The following FBLIM1 variants were observed in gnomAD, a reference collection of about 807,000 sequenced individuals.
FBLIM1 encodes filamin-binding LIM protein 1.
Under a neutral mutation model 37.4 loss-of-function variants are expected in FBLIM1, and 29 were observed. That is an observed-to-expected ratio of 0.77 (90% CI 0.58 to 1.06). The LOEUF (loss-of-function observed/expected upper bound fraction) is 1.06, where lower values mean the gene tolerates loss of function less well. Among genes scored for constraint, FBLIM1 ranks in the 50% least tolerant of loss-of-function variants. FBLIM1 has a pLI of 0.00. For missense variants in FBLIM1, 449 were observed against 505.6 expected, an observed-to-expected ratio of 0.89 and a Z score of 1.07; for synonymous variants, 193 against 199.0, an observed-to-expected ratio of 0.97 and a Z score of 0.25.
In FBLIM1 at chr1:15,770,532, GCTT is replaced by G. The variant is rs768531304; in HGVS notation, c.668_670del (p.Phe223del). ...TGCCGCCGCCAGCTGGCTGGGCAGA[GCTT>G]CTACCAGAAGGATGGGCGACCCCTC... On this transcript the variant is annotated inframe_deletion, in exon 6 of 9. Coordinates refer to ENST00000375766, the MANE Select transcript of FBLIM1 (RefSeq NM_017556.4). 8.7e-6 allele frequency: 14 copies of G among 1,613,968 alleles called. No homozygotes were observed. The highest frequency in any genetic ancestry group is 1.2e-5 in the Non-Finnish European group (14 of 1,180,034).
intron 8 of FBLIM1, among the ~76,000 whole-genome samples, chr1:15,783,955 A>G (rs1412364036): frequency 6.6e-6 from 1 of 152,158 alleles, no homozygotes; most frequent in Non-Finnish European, 1.5e-5. Context: ...ATGGGAAGCC[A>G]AGGTGGGCGG....
At chr1:15,766,288 G>C (rs980824447) in intron 3 of FBLIM1, among the ~76,000 whole-genome samples, 3 of 151,882 alleles carry the variant, frequency 2.0e-5, no homozygotes, top group African/African-American at 7.3e-5. Flanking sequence ...GTGTGTGTGT[G>C]TGTATGTGTG....
intron 8 of FBLIM1, 63 bp downstream of exon 8, chr1:15,777,350 T>G: frequency 7.9e-7 from 1 of 1,263,392 alleles, no homozygotes; most frequent in South Asian, 1.3e-5. Flanking sequence ...TTAGCTGGGT[T>G]GCTTGGACAT....
rs773204629 is a variant in FBLIM1 at position 15,765,234 on chromosome 1, G to A, written c.250+1G>A. ...GCACCTATGCAGCTCTTCAATGGAG[G>A]TAAGAGCTGAGGGGACTTTGGGGAA... On this transcript the variant is annotated splice_donor_variant, in intron 3 of 8. Transcript: ENST00000375766. LOFTEE classifies it high-confidence loss of function. The surrounding 1 kb of genome is among the most constrained non-coding windows in gnomAD (Gnocchi z 5.9). The A allele has an allele frequency of 1.2e-6, 2 of 1,607,440 alleles. No individual in the cohort carries two copies. Among genetic ancestry groups the A allele is most frequent in the Non-Finnish European group, 1.7e-6 (2 of 1,175,346 alleles).
chr1:15,777,554 G>C (rs890681136), intron 8 of FBLIM1, among the ~76,000 whole-genome samples: 1 of 151,334 alleles, frequency 6.6e-6, no homozygotes, highest in African/African-American at 2.4e-5. Context: ...ATTGAGCGAT[G>C]GCATCAGGAC....
chr1:15,768,717 C>A (rs1279030330), intron 5 of FBLIM1, 87 bp downstream of exon 5: 3 of 922,154 alleles, frequency 3.3e-6, no homozygotes, highest in South Asian at 2.5e-5. Context: ...GTGAGGACCC[C>A]TCTTCCCATC....
chr1:15,783,872 G>A (rs1454658566), intron 8 of FBLIM1, among the ~76,000 whole-genome samples: 3 of 152,040 alleles, frequency 2.0e-5, no homozygotes, highest in Admixed American at 6.6e-5. Context: ...GTGAACCACC[G>A]CGCCCGCCCA....
chr1:15,767,540 TC>T lies in FBLIM1; in HGVS notation c.419del (p.Pro140ArgfsTer61). 7.1e-7 allele frequency: 1 copy of T among 1,409,310 alleles called. No individual in the cohort carries two copies. The highest frequency in any genetic ancestry group is 9.4e-7 in the Non-Finnish European group (1 of 1,064,124). The allele number at this position is 1,409,310 out of a possible 1,614,324, so 87.3% of individuals were successfully genotyped here. ...TGCAGACTTAGAGCAGCTGCACCTG[TC>T]CCCGCCCCCGCCCCCACCACAGGTA... ...LIADLEQLHL[S>X]PPPPPPQAPA... On this transcript the variant is annotated frameshift_variant, in exon 4 of 9. Transcript: ENST00000375766. LOFTEE classifies it high-confidence loss of function.
rs2069742107 is a variant in FBLIM1, at chr1:15,785,196, T to G, written c.*535T>G. 6.6e-6 allele frequency: 1 copy of G among 151,850 alleles called. No individual in the cohort carries two copies. The highest frequency in any genetic ancestry group is 2.1e-4 in the South Asian group (1 of 4,808). 9.4% of individuals were successfully genotyped at this position (151,850 alleles called of 1,614,324 possible). A position where few individuals can be genotyped will look rare whatever the true frequency, so the allele number is the denominator to read the frequency against. ...TAAAAATACAAAAATTAGCCAGGCA[T>G]GGTAGCAGGTGCCTGTAATCCCAGC... On this transcript the variant is annotated 3_prime_UTR_variant, in exon 9 of 9. Transcript: ENST00000375766.
chr1:15,779,875 TTTTG>T (rs1158406777), intron 8 of FBLIM1, among the ~76,000 whole-genome samples: 2 of 152,086 alleles, frequency 1.3e-5, no homozygotes, highest in African/African-American at 2.4e-5. Context: ...AATTCTTGAT[TTTTG>T]TTTGTTTGTT....
In FBLIM1 at chr1:15,781,787, CGGCT is replaced by C. The variant is rs2069648936; in HGVS notation, c.1009-2760_1009-2757del. 7.7e-5 allele frequency among the ~76,000 whole-genome samples: 11 copies of C among 143,060 alleles called. 1 individual carries two copies. The South Asian group carries it at 2.6e-3, about 34-fold the overall frequency. The allele number at this position is 143,060 out of a possible 152,430, so 93.9% of individuals were successfully genotyped here. On this transcript the variant is annotated intron_variant, in intron 8 of 8. Transcript: ENST00000375766. Reference sequence around the variant, plus strand: ...AGGCTGGAGTGCAGTGGTGCAATCTCGGCTCACTGCAAGCTGCACCTCCCGGGTT... The same window carrying C: ...AGGCTGGAGTGCAGTGGTGCAATCTCCACTGCAAGCTGCACCTCCCGGGTT...
At chr1:15,783,172 C>T (rs2069687149) in intron 8 of FBLIM1, among the ~76,000 whole-genome samples, 1 of 152,140 alleles carries the variant, frequency 6.6e-6, no homozygotes. Flanking sequence ...CAAATTGTCC[C>T]CCCTGTTATT....
At position 15,777,175 on chromosome 1, in the gene FBLIM1, T is replaced by G; in HGVS notation, c.896T>G (p.Phe299Cys). The change falls in exon 8 of 9, where the codon TTC becomes TGC. Residue 299 changes from phenylalanine (F) to cysteine (C), a missense_variant. Physicochemically the swap from Phe to Cys is radical, Grantham distance 205. Transcript: ENST00000375766. Reference protein sequence around the residue: ...VYCLDDFYRKFAPVCSICENP... With the variant: ...VYCLDDFYRKCAPVCSICENP... ...ATGGGTTCCTTTGCTTCTAGGAAAT[T>G]CGCCCCCGTCTGCAGCATCTGTGAA... 4 of 1,598,382 alleles carry G rather than the reference T, an allele frequency of 2.5e-6. No homozygotes were observed. The highest frequency in any genetic ancestry group is 3.4e-6 in the Non-Finnish European group (4 of 1,168,292).
intron 5 of FBLIM1, among the ~76,000 whole-genome samples, chr1:15,768,909 C>CCT (rs1445747521): frequency 6.6e-6 from 1 of 152,050 alleles, no homozygotes; most frequent in African/African-American, 2.4e-5. Context: ...CACCTAATGC[C>CCT]CTCACACAGT....
At chr1:15,772,191 C>G (rs146379812) in intron 6 of FBLIM1, among the ~76,000 whole-genome samples, 1 of 152,192 alleles carries the variant, frequency 6.6e-6, no homozygotes, top group Non-Finnish European at 1.5e-5. Context: ...AGTTTGAAAA[C>G]GGCTGATTTG....
intron 6 of FBLIM1, 117 bp from the exon 7 acceptor site, chr1:15,774,501 G>T (rs1025860205): frequency 3.8e-6 from 5 of 1,323,676 alleles, no homozygotes; most frequent in Non-Finnish European, 5.1e-6. Flanking sequence ...TTGTCTGCAG[G>T]CCTCTCCTGT....
At chr1:15,783,744 G>A (rs920298260) in intron 8 of FBLIM1, among the ~76,000 whole-genome samples, 2 of 151,602 alleles carry the variant, frequency 1.3e-5, no homozygotes, top group African/African-American at 2.4e-5. Flanking sequence ...CACCACGCCC[G>A]GCTAGTTTTT....
chr1:15,757,102 G>A (rs1198046553), upstream of FBLIM1, among the ~76,000 whole-genome samples: 1 of 152,176 alleles, frequency 6.6e-6, no homozygotes, highest in Non-Finnish European at 1.5e-5. The surrounding 1 kb of genome is among the most constrained non-coding windows in gnomAD (Gnocchi z 4.1). Flanking sequence ...AGTTTTGGGG[G>A]GCAGGGGCAG....
intron 7 of FBLIM1, chr1:15,776,949 C>A: frequency 2.1e-6 from 1 of 479,392 alleles, no homozygotes. Flanking sequence ...GAACACAGTT[C>A]TCAATTCAGA....
Sources: gnomAD v4.1 joint callset for allele counts (sites outside exome capture counted in the v4.1 genomes callset) on GRCh38, gnomAD v4.1.1 for gene constraint, Gnocchi (gnomAD v3.1) non-coding constraint, MANE v1.5 for transcripts, NCBI Gene and HGNC (gene_info 2026-07-23, HGNC 2026-07-21) for gene names.